Variants in SOCS7 observed in about 807,000 individuals in gnomAD.
SOCS7 encodes the protein NAP-4.
Under a neutral mutation model 58.9 loss-of-function variants are expected in SOCS7, and 18 were observed. That is an observed-to-expected ratio of 0.31 (90% CI 0.21 to 0.45). The LOEUF (loss-of-function observed/expected upper bound fraction) is 0.45. SOCS7 is among the 20% of genes least tolerant of loss of function. The pLI is 1.00. For missense variants in SOCS7, 667 were observed against 837.3 expected (o/e 0.80, Z 2.51); for synonymous variants, 388 against 364.3 (o/e 1.06, Z -0.74).
At chr17:38,395,488 GT>G (rs2038233430) in intron 8 of SOCS7, 44 bp downstream of exon 8, 1 of 1,590,714 alleles carries the variant, frequency 6.3e-7, no homozygotes, top group Non-Finnish European at 8.6e-7. Context: ...GAGTAAGGGG[GT>G]TGTGGGGAGG....
intron 6 of SOCS7, among the ~76,000 whole-genome samples, chr17:38,368,560 G>C (rs1280395528): frequency 6.6e-6 from 1 of 151,304 alleles, no homozygotes; most frequent in Non-Finnish European, 1.5e-5. Flanking sequence ...GGAGTGCAGT[G>C]GTGCGATCTC....
At chr17:38,378,164 G>C (rs9674936) in intron 7 of SOCS7, among the ~76,000 whole-genome samples, 1,898 of 152,276 alleles carry the variant, frequency 0.012, 38 homozygotes, top group African/African-American at 0.042. Flanking sequence ...GAAGCAGAAA[G>C]ATGAGAGCTC....
Position 38,352,547 on chromosome 17 carries a change from G to T in SOCS7, c.495G>T (p.Pro165=). 6.5e-7 allele frequency: 1 copy of T among 1,548,666 alleles called. No homozygotes were observed. Among genetic ancestry groups the T allele is most frequent in the Non-Finnish European group, 8.7e-7 (1 of 1,146,088 alleles). The part of the protein sequence containing the change: ...PPQPQPPAAA[P]QAGEDPTETS... ...AGCCCCAGCCGCCTGCTGCCGCCCC[G>T]CAGGCCGGGGAGGACCCCACGGAAA... Residue 165 remains proline, a synonymous_variant, in exon 1 of 10, where the codon CCG becomes CCT. Transcript: ENST00000612932. The surrounding 1 kb of genome is among the most constrained non-coding windows in gnomAD (Gnocchi z 5.5).
chr17:38,360,721 A>G (rs1597685129), intron 1 of SOCS7, among the ~76,000 whole-genome samples: 1 of 151,478 alleles, frequency 6.6e-6, no homozygotes, highest in Non-Finnish European at 1.5e-5. Context: ...TTGTATTTTT[A>G]GCAGAGACAG....
At chr17:38,381,971 AAAAC>A (rs1426068878) in intron 7 of SOCS7, among the ~76,000 whole-genome samples, 2,057 of 145,980 alleles carry the variant, frequency 0.014, 163 homozygotes, top group African/African-American at 0.05. Flanking sequence ...AAAAAAAAAA[AAAAC>A]CTAAAAAAAC....
intron 1 of SOCS7, among the ~76,000 whole-genome samples, chr17:38,361,101 C>G (rs41404344): frequency 6.6e-6 from 1 of 152,244 alleles, no homozygotes; most frequent in Non-Finnish European, 1.5e-5. Flanking sequence ...CTCAGAGAGA[C>G]GAATGGGCCC....
rs924652586 is a variant in SOCS7, at chr17:38,405,037, C to A, written c.*5555C>A. On this transcript the variant is annotated 3_prime_UTR_variant, in exon 10 of 10. Coordinates refer to ENST00000612932, the MANE Select transcript of SOCS7 (RefSeq NM_014598.4). ...GCAACCACTTCTGTCTCCGTTAGCC[C>A]CCCCTCTGCCCTCCTCCAAGCCAAA... 5 of 152,156 alleles carry A rather than the reference C, an allele frequency of 3.3e-5. No homozygotes were observed. Among genetic ancestry groups the A allele is most frequent in the African/African-American group, 4.8e-5 (2 of 41,410 alleles). 9.4% of individuals were successfully genotyped at this position (152,156 alleles called of 1,614,324 possible).
At chr17:38,392,114 T>C (rs1033127814) in intron 7 of SOCS7, among the ~76,000 whole-genome samples, 8 of 152,254 alleles carry the variant, frequency 5.3e-5, no homozygotes, top group African/African-American at 1.9e-4. Context: ...TAACTGCTTC[T>C]GTTAGCATGC....
chr17:38,381,490 G>C (rs1338640764), intron 7 of SOCS7, among the ~76,000 whole-genome samples: 1 of 152,144 alleles, frequency 6.6e-6, no homozygotes, highest in Admixed American at 6.5e-5. Context: ...CCTACAAGGA[G>C]CCAGGTGTTA....
Position 38,400,684 on chromosome 17 carries a change from T to C in SOCS7, c.*1202T>C, listed in dbSNP as rs939501350. 2.0e-5 allele frequency: 3 copies of C among 152,204 alleles called. No homozygotes were observed. Among genetic ancestry groups the C allele is most frequent in the African/African-American group, 4.8e-5 (2 of 41,450 alleles). 9.4% of individuals were successfully genotyped at this position (152,204 alleles called of 1,614,324 possible). On this transcript the variant is annotated 3_prime_UTR_variant, in exon 10 of 10. Coordinates refer to ENST00000612932, the MANE Select transcript of SOCS7 (RefSeq NM_014598.4). The stretch of plus-strand genomic sequence containing the variant: ...GGCTTCTGTATTTTCTTGTGTTCAT[T>C]CTAGCAACCCAGACATTTCCGGATC...
rs1214323571 is a variant in SOCS7 at position 38,387,082 on chromosome 17, TAAAA to T, written c.1682-8209_1682-8206del. Among the ~76,000 whole-genome samples the T allele has an allele frequency of 1.2e-3, 60 of 48,614 alleles. 3 individuals are homozygous for T. Among genetic ancestry groups the T allele is most frequent in the African/African-American group, 4.5e-3 (32 of 7,182 alleles). The allele number at this position is 48,614 out of a possible 152,430, so 31.9% of individuals were successfully genotyped here. Reference sequence around the variant, plus strand: ...GGGCGACAGAGCGAGACTCTTATCTTAAAAAAAAAAAAAAAAAAAAATATATATA... The same window carrying T: ...GGGCGACAGAGCGAGACTCTTATCTTAAAAAAAAAAAAAAAAATATATATA... On this transcript the variant is annotated intron_variant, in intron 7 of 9. Transcript: ENST00000612932.
rs532308257 is a variant in SOCS7 at position 38,404,814 on chromosome 17, C to G, written c.*5332C>G. On this transcript the variant is annotated 3_prime_UTR_variant, in exon 10 of 10. Transcript: ENST00000612932. ...CGGGGACCTGTCCCTCACTCTTAGG[C>G]CCAGAACCTGTCCAAGGGACAGGTA... 4 of 152,398 alleles carry G rather than the reference C, an allele frequency of 2.6e-5. No homozygotes were observed. The highest frequency in any genetic ancestry group is 5.9e-5 in the Non-Finnish European group (4 of 68,080). 9.4% of individuals were successfully genotyped at this position (152,398 alleles called of 1,614,324 possible).
intron 7 of SOCS7, among the ~76,000 whole-genome samples, chr17:38,388,710 A>ATT (rs2038113078): frequency 6.6e-6 from 1 of 152,140 alleles, no homozygotes; most frequent in African/African-American, 2.4e-5. Flanking sequence ...GTTTCTATGG[A>ATT]TTTGACTGTT....
rs969492430 is a variant in SOCS7 at position 38,401,231 on chromosome 17, C to T, written c.*1749C>T. ...AGCTGTGCACCATAAACACAGCCCA[C>T]CTCTGATTTGTCATGTGGTACCTCT... On this transcript the variant is annotated 3_prime_UTR_variant, in exon 10 of 10. Coordinates refer to ENST00000612932, the MANE Select transcript of SOCS7 (RefSeq NM_014598.4). The T allele has an allele frequency of 1.3e-5, 2 of 152,180 alleles. No individual in the cohort carries two copies. The highest frequency in any genetic ancestry group is 2.4e-5 in the African/African-American group (1 of 41,436). The allele number at this position is 152,180 out of a possible 1,614,324, so 9.4% of individuals were successfully genotyped here.
Position 38,362,613 on chromosome 17 carries a change from T to G in SOCS7, c.1045+838T>G, listed in dbSNP as rs41340747. Among the ~76,000 whole-genome samples the G allele has an allele frequency of 6.8e-3, 1,041 of 152,314 alleles. 8 individuals are homozygous for G. Among genetic ancestry groups the G allele is most frequent in the Non-Finnish European group, 9.6e-3 (650 of 68,024 alleles). ...GACTTACGATTTGGGAATGGATGCTTCCAGGAAAATGTTAAGCAGGCCAAT... is the reference window on the plus strand; with the variant it reads ...GACTTACGATTTGGGAATGGATGCTGCCAGGAAAATGTTAAGCAGGCCAAT... On this transcript the variant is annotated intron_variant, in intron 2 of 9. Coordinates refer to ENST00000612932, the MANE Select transcript of SOCS7 (RefSeq NM_014598.4).
At chr17:38,398,272 C>T (rs1401228114) in intron 9 of SOCS7, among the ~76,000 whole-genome samples, 4 of 131,264 alleles carry the variant, frequency 3.0e-5, no homozygotes, top group Admixed American at 1.7e-4. Flanking sequence ...GATGGAGTTT[C>T]GCTCTTGTTG....
In SOCS7 at chr17:38,399,511, A is replaced by G. The variant is rs2038291491; in HGVS notation, c.*31-2A>G. The G allele has an allele frequency of 6.6e-6, 1 of 152,558 alleles. No individual in the cohort carries two copies. The highest frequency in any genetic ancestry group is 2.4e-5 in the African/African-American group (1 of 41,408). The allele number at this position is 152,558 out of a possible 1,614,324, so 9.5% of individuals were successfully genotyped here. ...TTTAATTTTTTTTCCTTTTCTACCTAGGCATTTGGTTGCCAAGCTCCAGCT... is the reference window on the plus strand; with the variant it reads ...TTTAATTTTTTTTCCTTTTCTACCTGGGCATTTGGTTGCCAAGCTCCAGCT... On this transcript the variant is annotated splice_acceptor_variant, in intron 9 of 9. Coordinates refer to ENST00000612932, the MANE Select transcript of SOCS7 (RefSeq NM_014598.4). LOFTEE classifies it low-confidence loss of function (3UTR_SPLICE).
At position 38,367,899 on chromosome 17, in the gene SOCS7, G is replaced by A. The variant is rs760358428; in HGVS notation, c.1401G>A (p.Gly467=). 1 of 1,614,020 alleles carries A rather than the reference G, an allele frequency of 6.2e-7. No homozygotes were observed. Among genetic ancestry groups the A allele is most frequent in the African/African-American group, 1.3e-5 (1 of 74,914 alleles). ...RELEKCGWYW[G]PMNWEDAEMK... is the part of the protein sequence containing the mutation. ...TTTGATAGTGTGGTTGGTATTGGGG[G>A]CCAATGAATTGGGAAGATGCAGAGA... Residue 467 remains glycine, a synonymous_variant, in exon 6 of 10, where the codon GGG becomes GGA. Coordinates refer to ENST00000612932, the MANE Select transcript of SOCS7 (RefSeq NM_014598.4).
rs567576185 is a variant in SOCS7 at position 38,404,370 on chromosome 17, C to T, written c.*4888C>T. On this transcript the variant is annotated 3_prime_UTR_variant, in exon 10 of 10. Coordinates refer to ENST00000612932, the MANE Select transcript of SOCS7 (RefSeq NM_014598.4). Reference sequence around the variant, plus strand: ...TGTCGCTCAGTTTCTTCCTGTTTCCCTTCCTGTCCTCTCCACACCTGCTAT... The same window carrying T: ...TGTCGCTCAGTTTCTTCCTGTTTCCTTTCCTGTCCTCTCCACACCTGCTAT... The T allele has an allele frequency of 6.6e-6, 1 of 152,448 alleles. No homozygotes were observed. The highest frequency in any genetic ancestry group is 1.9e-4 in the East Asian group (1 of 5,180). 9.4% of individuals were successfully genotyped at this position (152,448 alleles called of 1,614,324 possible).
Sources: gnomAD v4.1 joint callset for allele counts (sites outside exome capture counted in the v4.1 genomes callset) on GRCh38, gnomAD v4.1.1 for gene constraint, Gnocchi (gnomAD v3.1) non-coding constraint, MANE v1.5 for transcripts, NCBI Gene and HGNC (gene_info 2026-07-23, HGNC 2026-07-21) for gene names.